Variants in VRK2 observed in about 807,000 individuals in gnomAD.
The protein encoded by VRK2 is serine/threonine-protein kinase VRK2.
A neutral mutation model predicts 57.6 loss-of-function variants in VRK2; 60 were observed. The ratio of observed to expected loss-of-function variants is 1.04; its 90% CI spans 0.85 to 1.29. The LOEUF (loss-of-function observed/expected upper bound fraction) is 1.29. Ranked by LOEUF, VRK2 falls within the 50% of genes most tolerant of loss-of-function variation. The pLI is 0.00. For synonymous variants in VRK2, 231 were observed against 199.2 expected, an observed-to-expected ratio of 1.16 and a Z score of -1.35; for missense variants, 705 against 588.1, an observed-to-expected ratio of 1.20 and a Z score of -2.06.
chr2:58,146,769 GTA>G lies in VRK2; in HGVS notation c.1182+297_1182+298del, dbSNP rs1055629616. On this transcript the variant is annotated intron_variant, in intron 12 of 12. Coordinates refer to ENST00000340157, the MANE Select transcript of VRK2 (RefSeq NM_006296.7). ...ATCTATGATCCATTAGGGACTCAAT[GTA>G]TTCTATACTTTTACATTGGTTCCTC... Among the ~76,000 whole-genome samples the G allele has an allele frequency of 5.8e-4, 75 of 130,030 alleles. No homozygotes were observed. In the East Asian group the frequency reaches 0.02, roughly 34 times the overall value. The allele number at this position is 130,030 out of a possible 152,430, so 85.3% of individuals were successfully genotyped here.
chr2:58,025,804 C>T (rs1673905364), intron 2 of VRK2: 1 of 152,206 alleles, frequency 6.6e-6, no homozygotes, highest in African/African-American at 2.4e-5. Flanking sequence ...TAAGCTTCTG[C>T]TAAGGACACT....
chr2:58,126,466 T>A (rs1243012998), intron 8 of VRK2, among the ~76,000 whole-genome samples: 1 of 152,076 alleles, frequency 6.6e-6, no homozygotes, highest in Non-Finnish European at 1.5e-5. Context: ...CAAATTTACA[T>A]AAAAGGAGAG....
At position 58,141,832 on chromosome 2, in the gene VRK2, C is replaced by T. The variant is rs138833061; in HGVS notation, c.1023+2000C>T. Among the ~76,000 whole-genome samples, 626 of 151,972 alleles carry T rather than the reference C, an allele frequency of 4.1e-3. 5 individuals carry two copies. Among genetic ancestry groups the T allele is most frequent in the African/African-American group, 0.014 (581 of 41,504 alleles). On this transcript the variant is annotated intron_variant, in intron 11 of 12. Transcript: ENST00000340157. Reference sequence around the variant, plus strand: ...GTTCCCAGTTCCCCTGAATGATGCACGTATAGGATGATTTCCACAATAGAT... The same window carrying T: ...GTTCCCAGTTCCCCTGAATGATGCATGTATAGGATGATTTCCACAATAGAT...
chr2:58,071,987 A>G (rs937578528), intron 2 of VRK2, among the ~76,000 whole-genome samples: 1 of 151,880 alleles, frequency 6.6e-6, no homozygotes, highest in Non-Finnish European at 1.5e-5. Context: ...ATTTGTATGT[A>G]TTTTGTTATA....
At chr2:58,095,374 A>G (rs781172074) in intron 7 of VRK2, among the ~76,000 whole-genome samples, 1 of 151,898 alleles carries the variant, frequency 6.6e-6, no homozygotes, top group Non-Finnish European at 1.5e-5. Context: ...GGGAGACCTC[A>G]CATCTGTATG....
intron 7 of VRK2, among the ~76,000 whole-genome samples, chr2:58,102,714 G>A (rs1674170976): frequency 6.6e-6 from 1 of 151,368 alleles, no homozygotes; most frequent in Non-Finnish European, 1.5e-5. Context: ...AAATCAGCAA[G>A]GAAACTAGAC....
At chr2:57,923,681 G>A (rs1309046515) in intron 1 of VRK2, among the ~76,000 whole-genome samples, 1 of 151,838 alleles carries the variant, frequency 6.6e-6, no homozygotes, top group African/African-American at 2.4e-5. Context: ...TCTGTGGGTT[G>A]TCTCTTCACC....
intron 1 of VRK2, among the ~76,000 whole-genome samples, chr2:58,002,146 A>G (rs1673109054): frequency 6.6e-6 from 1 of 152,170 alleles, no homozygotes; most frequent in Non-Finnish European, 1.5e-5. Flanking sequence ...TCTTTGTTGT[A>G]TATAATTCTG....
Position 58,126,930 on chromosome 2 carries a change from C to T in VRK2, c.676+3697C>T, listed in dbSNP as rs114384971. Among the ~76,000 whole-genome samples, 853 of 152,086 alleles carry T rather than the reference C, an allele frequency of 5.6e-3. 11 individuals carry two copies. The highest frequency in any genetic ancestry group is 0.018 in the African/African-American group (759 of 41,536). ...ATAGATTTTTGTAGATTTTTCTACTCACTGAGGCATGCAGTCAATACCTAA... is the reference window on the plus strand; with the variant it reads ...ATAGATTTTTGTAGATTTTTCTACTTACTGAGGCATGCAGTCAATACCTAA... On this transcript the variant is annotated intron_variant, in intron 8 of 12. Transcript: ENST00000340157.
At chr2:58,063,057 T>C (rs1455033944) in intron 2 of VRK2, among the ~76,000 whole-genome samples, 1 of 152,040 alleles carries the variant, frequency 6.6e-6, no homozygotes, top group Non-Finnish European at 1.5e-5. Context: ...GTGCTTACCA[T>C]TCAGAAAATC....
intron 7 of VRK2, among the ~76,000 whole-genome samples, chr2:58,118,788 C>T (rs562905721): frequency 3.3e-5 from 5 of 151,966 alleles, no homozygotes; most frequent in African/African-American, 1.2e-4. Flanking sequence ...CGGTTGAGTC[C>T]GAAAAGAGAG....
At chr2:58,144,488 C>G (rs1469927280) in intron 11 of VRK2, among the ~76,000 whole-genome samples, 1 of 151,960 alleles carries the variant, frequency 6.6e-6, no homozygotes, top group Non-Finnish European at 1.5e-5. Flanking sequence ...CAAAACATCA[C>G]ATTGTATACC....
intron 1 of VRK2, among the ~76,000 whole-genome samples, chr2:57,996,497 A>G (rs1431407423): frequency 1.3e-5 from 2 of 152,222 alleles, no homozygotes; most frequent in African/African-American, 4.8e-5. Context: ...TACTATAGGT[A>G]TTGGTCATAT....
chr2:58,128,021 T>C (rs1410000491), intron 8 of VRK2, among the ~76,000 whole-genome samples: 1 of 152,228 alleles, frequency 6.6e-6, no homozygotes, highest in African/African-American at 2.4e-5. Flanking sequence ...CTGTTGTTCT[T>C]ATACCAGTTT....
intron 11 of VRK2, among the ~76,000 whole-genome samples, chr2:58,141,833 G>A (rs1247538802): frequency 6.6e-6 from 1 of 151,882 alleles, no homozygotes; most frequent in Non-Finnish European, 1.5e-5. Flanking sequence ...AATGATGCAC[G>A]TATAGGATGA....
At chr2:57,982,473 A>G (rs1022404945) in intron 1 of VRK2, among the ~76,000 whole-genome samples, 1 of 152,188 alleles carries the variant, frequency 6.6e-6, no homozygotes, top group African/African-American at 2.4e-5. Flanking sequence ...GGAAGGCTGC[A>G]GGCAGGTGCT....
At chr2:58,142,864 A>G (rs548744053) in intron 11 of VRK2, among the ~76,000 whole-genome samples, 6 of 151,874 alleles carry the variant, frequency 4.0e-5, no homozygotes, top group Non-Finnish European at 8.8e-5. Context: ...CATATATACA[A>G]TATACAGTAA....
chr2:57,998,207 G>T (rs1426974347), intron 1 of VRK2, among the ~76,000 whole-genome samples: 1 of 152,160 alleles, frequency 6.6e-6, no homozygotes, highest in Non-Finnish European at 1.5e-5. Flanking sequence ...GTTACTATAT[G>T]CAAGTATTAC....
At chr2:58,093,126 A>C (rs1451942461) in intron 7 of VRK2, among the ~76,000 whole-genome samples, 1 of 152,180 alleles carries the variant, frequency 6.6e-6, no homozygotes, top group African/African-American at 2.4e-5. Context: ...ATAAACATAC[A>C]TGTGCATGTG....
Sources: allele counts gnomAD v4.1 joint callset (sites outside exome capture counted in the v4.1 genomes callset), GRCh38; gene constraint gnomAD v4.1.1; transcripts MANE v1.5; gene names NCBI Gene and HGNC (gene_info 2026-07-23, HGNC 2026-07-21).